The following NR2C2 variants were observed in gnomAD, a reference collection of about 807,000 sequenced individuals.
NR2C2 encodes Nuclear hormone receptor TR4.
NR2C2 carries 6 observed loss-of-function variants against 62.9 expected under a neutral mutation model. The ratio of observed to expected loss-of-function variants is 0.10; its 90% CI spans 0.05 to 0.19. The LOEUF (loss-of-function observed/expected upper bound fraction) is 0.19, where lower values mean the gene tolerates loss of function less well. NR2C2 is among the 10% of genes least tolerant of loss of function. NR2C2 has a pLI of 1.00. For synonymous variants in NR2C2, 272 were observed against 273.8 expected (o/e 0.99, Z 0.07); for missense variants, 479 against 762.7 (o/e 0.63, Z 4.38).
chr3:15,037,895 T>C (rs2042148228), intron 11 of NR2C2, 105 bp from the exon 12 acceptor site: 1 of 1,222,402 alleles, frequency 8.2e-7, no homozygotes, highest in Non-Finnish European at 1.1e-6. Flanking sequence ...TGATTTTTCA[T>C]TAAAAAGTGA....
chr3:15,024,076 T>C (rs2041753385), intron 6 of NR2C2, 39 bp from the exon 7 acceptor site: 1 of 1,347,338 alleles, frequency 7.4e-7, no homozygotes, highest in Non-Finnish European at 1.1e-6. Context: ...GTGCATAAAA[T>C]GTTGGAAGCT....
At chr3:14,991,886 C>T (rs2040683137) in intron 1 of NR2C2, among the ~76,000 whole-genome samples, 1 of 151,372 alleles carries the variant, frequency 6.6e-6, no homozygotes. Flanking sequence ...CCTTCCGCCT[C>T]AGCCTCCTAA....
intron 11 of NR2C2, 116 bp downstream of exon 11, chr3:15,034,925 T>C: frequency 9.1e-7 from 1 of 1,102,592 alleles, no homozygotes; most frequent in Non-Finnish European, 1.3e-6. Flanking sequence ...TGACCCAGGC[T>C]GGCAACATAG....
intron 13 of NR2C2, among the ~76,000 whole-genome samples, chr3:15,039,731 G>C (rs573841707): frequency 6.6e-6 from 1 of 152,282 alleles, no homozygotes; most frequent in East Asian, 1.9e-4. Flanking sequence ...AATCAAATCT[G>C]ACCCCTATAA....
rs1331866196 is a variant in NR2C2, at chr3:14,964,866, C to T, written c.-40+16960C>T. On this transcript the variant is annotated intron_variant, in intron 1 of 13. Coordinates refer to ENST00000425241, the MANE Select transcript of NR2C2 (RefSeq NM_001291694.2). ...TAATTTGTATTCATTTCCCAACCCA[C>T]TTATTCCAGTTCAGGGTGATAGGTG... 2.6e-5 allele frequency among the ~76,000 whole-genome samples: 4 copies of T among 152,170 alleles called. No individual in the cohort carries two copies. In the East Asian group the frequency reaches 7.7e-4, roughly 29 times the overall value.
At chr3:14,955,528 A>G in intron 1 of NR2C2, among the ~76,000 whole-genome samples, 1 of 152,146 alleles carries the variant, frequency 6.6e-6, no homozygotes, top group Non-Finnish European at 1.5e-5. Flanking sequence ...TTTAGAGTCA[A>G]AGAGGCCTCA....
chr3:14,952,160 C>T lies in NR2C2; in HGVS notation c.-40+4254C>T, dbSNP rs150173535. 3.8e-3 allele frequency among the ~76,000 whole-genome samples: 585 copies of T among 152,336 alleles called. 4 individuals are homozygous for T. Among genetic ancestry groups the T allele is most frequent in the African/African-American group, 0.013 (545 of 41,570 alleles). On this transcript the variant is annotated intron_variant, in intron 1 of 13. Coordinates refer to ENST00000425241, the MANE Select transcript of NR2C2 (RefSeq NM_001291694.2). The stretch of plus-strand genomic sequence containing the variant: ...GGCTTCAGAACCTGGAGTTGGTAGC[C>T]TCTCTGAGGCTTATAATTCCCCATT...
chr3:15,016,346 C>G (rs1288604144), intron 4 of NR2C2, 92 bp downstream of exon 4: 2 of 843,112 alleles, frequency 2.4e-6, no homozygotes, highest in African/African-American at 1.7e-5. Flanking sequence ...TTAGAAGGAC[C>G]ATTTTATGTA....
rs776483895 is a variant in NR2C2, at chr3:15,032,531, CG to C, written c.1232+34del. The stretch of plus-strand genomic sequence containing the variant: ...TGGCCTCTTGCTGTGCATGTATCCT[CG>C]GGCAGGAGCCTTCCTCTCCCTAGGA... On this transcript the variant is annotated intron_variant, in intron 10 of 13. Coordinates refer to ENST00000425241, the MANE Select transcript of NR2C2 (RefSeq NM_001291694.2). 12 of 1,613,858 alleles carry C rather than the reference CG, an allele frequency of 7.4e-6. 1 individual carries two copies. The South Asian group carries it at 9.9e-5, about 13-fold the overall frequency.
chr3:14,976,334 G>A (rs1174230691), intron 1 of NR2C2, among the ~76,000 whole-genome samples: 2 of 152,038 alleles, frequency 1.3e-5, no homozygotes, highest in Admixed American at 1.3e-4. Flanking sequence ...TGTATAAATC[G>A]GTGTTCTGGT....
intron 1 of NR2C2, among the ~76,000 whole-genome samples, chr3:14,967,362 G>A (rs2039888201): frequency 6.6e-6 from 1 of 151,096 alleles, no homozygotes; most frequent in South Asian, 2.1e-4. Flanking sequence ...TTTAATTTTT[G>A]TTAAAAAGCA....
At chr3:14,952,279 T>G (rs2039388679) in intron 1 of NR2C2, among the ~76,000 whole-genome samples, 1 of 152,092 alleles carries the variant, frequency 6.6e-6, no homozygotes, top group Admixed American at 6.5e-5. Context: ...GGGAGGTGAG[T>G]CTTTGTGGAG....
Position 15,045,195 on chromosome 3 carries a change from C to G in NR2C2, c.*2187C>G, listed in dbSNP as rs539671428. ...TCTAACACAGATTGTTGCCTGCCTT[C>G]CGTCGTTTTGATCCTTGAGAGTGAC... On this transcript the variant is annotated 3_prime_UTR_variant, in exon 14 of 14. Coordinates refer to ENST00000425241, the MANE Select transcript of NR2C2 (RefSeq NM_001291694.2). 1.8e-4 allele frequency: 28 copies of G among 152,180 alleles called. No homozygotes were observed. The highest frequency in any genetic ancestry group is 3.2e-4 in the Non-Finnish European group (22 of 68,042). The allele number at this position is 152,180 out of a possible 1,614,324, so 9.4% of individuals were successfully genotyped here. A position where few individuals can be genotyped will look rare whatever the true frequency, so the allele number is the denominator to read the frequency against.
At chr3:15,008,849 T>A (rs2041265058) in intron 2 of NR2C2, among the ~76,000 whole-genome samples, 1 of 152,206 alleles carries the variant, frequency 6.6e-6, no homozygotes, top group Admixed American at 6.5e-5. Context: ...ACTCAAAAAC[T>A]TTGTCAGTAA....
At chr3:15,017,457 C>T (rs1279113956) in intron 4 of NR2C2, among the ~76,000 whole-genome samples, 1 of 152,208 alleles carries the variant, frequency 6.6e-6, no homozygotes, top group Non-Finnish European at 1.5e-5. Context: ...CCATGTCTTA[C>T]CATCTATCTC....
chr3:15,037,388 T>C (rs1454153113), intron 11 of NR2C2, among the ~76,000 whole-genome samples: 3 of 152,154 alleles, frequency 2.0e-5, no homozygotes, highest in Admixed American at 2.0e-4. Context: ...TATTTTTAAC[T>C]GAGTATAATA....
intron 5 of NR2C2, 76 bp from the exon 6 acceptor site, chr3:15,023,124 A>G: frequency 6.6e-7 from 1 of 1,525,734 alleles, no homozygotes; most frequent in Non-Finnish European, 9.0e-7. Flanking sequence ...GCAGTAATGG[A>G]TTTGGGGTTT....
intron 1 of NR2C2, among the ~76,000 whole-genome samples, chr3:14,992,723 C>T (rs754046979): frequency 6.6e-6 from 1 of 152,248 alleles, no homozygotes; most frequent in Non-Finnish European, 1.5e-5. Flanking sequence ...GTTCTGCAAG[C>T]GTGGTTACCT....
intron 2 of NR2C2, among the ~76,000 whole-genome samples, chr3:15,006,063 C>G (rs1431817924): frequency 6.6e-6 from 1 of 151,886 alleles, no homozygotes; most frequent in Non-Finnish European, 1.5e-5. Flanking sequence ...AAAAATTAGC[C>G]AGACATGGTG....
Sources: allele counts gnomAD v4.1 joint callset (sites outside exome capture counted in the v4.1 genomes callset), GRCh38; gene constraint gnomAD v4.1.1; transcripts MANE v1.5; gene names NCBI Gene and HGNC (gene_info 2026-07-23, HGNC 2026-07-21).